RDH10: variants seen among roughly 807,000 people sequenced by gnomAD.
RDH10 encodes the protein retinol dehydrogenase 10, also known as retinol dehydrogenase 10 (all-trans).
Under a neutral mutation model 30.2 loss-of-function variants are expected in RDH10, and 12 were observed. That is an observed-to-expected ratio of 0.40 (90% CI 0.25 to 0.64). RDH10 has a LOEUF of 0.64. Ranked by LOEUF, RDH10 falls within the 30% of genes least tolerant of loss-of-function variation. The pLI is 0.43. For missense variants in RDH10, 268 were observed against 445.2 expected, an observed-to-expected ratio of 0.60 and a Z score of 3.58; for synonymous variants, 189 against 172.2, an observed-to-expected ratio of 1.10 and a Z score of -0.76.
Position 73,324,826 on chromosome 8 carries a change from C to T in RDH10, c.*1790C>T, listed in dbSNP as rs939624091. On this transcript the variant is annotated 3_prime_UTR_variant, in exon 6 of 6. Coordinates refer to ENST00000240285, the MANE Select transcript of RDH10 (RefSeq NM_172037.5). ...GTTTTAGTTTGGCTGCACCACAGAT[C>T]AAATCTGCACTGTGTCTACATATAG... The T allele has an allele frequency of 6.6e-6, 1 of 152,208 alleles. No homozygotes were observed. The highest frequency in any genetic ancestry group is 1.5e-5 in the Non-Finnish European group (1 of 68,040). 9.4% of individuals were successfully genotyped at this position (152,208 alleles called of 1,614,324 possible).
chr8:73,295,787 C>A, intron 1 of RDH10: 1 of 1,020,512 alleles, frequency 9.8e-7, no homozygotes, highest in Non-Finnish European at 1.3e-6. Context: ...GCCCTGTCCT[C>A]GCGGAGGTTC....
intron 5 of RDH10, 25 bp from the exon 6 acceptor site, chr8:73,322,888 A>G: frequency 6.2e-7 from 1 of 1,613,978 alleles, no homozygotes; most frequent in Non-Finnish European, 8.5e-7. Flanking sequence ...CAAGTTTGCT[A>G]ACAGCTGTGA....
At chr8:73,311,753 T>G (rs936066390) in intron 2 of RDH10, 2 of 152,242 alleles carry the variant, frequency 1.3e-5, no homozygotes, top group African/African-American at 4.8e-5. Flanking sequence ...GAAATTAAGA[T>G]GAACATTTTG....
intron 2 of RDH10, among the ~76,000 whole-genome samples, chr8:73,299,892 A>G (rs1814345154): frequency 6.6e-6 from 1 of 152,266 alleles, no homozygotes; most frequent in East Asian, 1.9e-4. Flanking sequence ...ATAAATTGAT[A>G]TACCGTCTTT....
intron 4 of RDH10, 63 bp from the exon 5 acceptor site, chr8:73,322,616 T>G: frequency 7.6e-7 from 1 of 1,323,868 alleles, no homozygotes; most frequent in South Asian, 1.3e-5. Context: ...TGTTTTGATA[T>G]GTATTTCCAG....
chr8:73,302,840 A>G (rs1414253782), intron 2 of RDH10, among the ~76,000 whole-genome samples: 3 of 152,238 alleles, frequency 2.0e-5, no homozygotes, highest in Non-Finnish European at 4.4e-5. Flanking sequence ...TCTAAAAGCC[A>G]AAGTTTATCT....
rs189837551 is a variant in RDH10 at position 73,325,085 on chromosome 8, A to T, written c.*2049A>T. The stretch of plus-strand genomic sequence containing the variant: ...GATTATCCAGGTCTGCCTCCCAGCG[A>T]GCCTGGAGTACACCAGACCCTCCTA... On this transcript the variant is annotated 3_prime_UTR_variant, in exon 6 of 6. Transcript: ENST00000240285. 2.4e-4 allele frequency: 36 copies of T among 152,342 alleles called. No individual in the cohort carries two copies. Among genetic ancestry groups the T allele is most frequent in the Admixed American group, 8.5e-4 (13 of 15,306 alleles). 9.4% of individuals were successfully genotyped at this position (152,342 alleles called of 1,614,324 possible). A position where few individuals can be genotyped will look rare whatever the true frequency, so the allele number is the denominator to read the frequency against.
At chr8:73,322,073 T>C in intron 4 of RDH10, 1 of 444,938 alleles carries the variant, frequency 2.2e-6, no homozygotes, top group Non-Finnish European at 4.5e-6. Context: ...TAGCAGCAGG[T>C]GCAGGGGTCC....
intron 2 of RDH10, chr8:73,311,960 T>C (rs765757531): frequency 7.2e-5 from 11 of 152,242 alleles, no homozygotes; most frequent in Non-Finnish European, 1.3e-4. Flanking sequence ...AATACAGATT[T>C]AGGTTTTACT....
intron 2 of RDH10, among the ~76,000 whole-genome samples, chr8:73,307,086 A>C (rs1814477226): frequency 1.3e-5 from 2 of 152,174 alleles, no homozygotes; most frequent in South Asian, 4.1e-4. Flanking sequence ...ATGATTTCAT[A>C]TTGTATTTTT....
chr8:73,298,297 C>G (rs952386755), intron 2 of RDH10, among the ~76,000 whole-genome samples: 16 of 152,150 alleles, frequency 1.1e-4, no homozygotes, highest in African/African-American at 3.9e-4. Context: ...AAATAGGATT[C>G]TACTTTTTTT....
chr8:73,322,937 G>A lies in RDH10; in HGVS notation c.927G>A (p.Val309=). Residue 309 remains valine (V), a synonymous_variant, in exon 6 of 6, where the codon GTG becomes GTA. Coordinates refer to ENST00000240285, the MANE Select transcript of RDH10 (RefSeq NM_172037.5). ...MKSILPFEAV[V]CMYRFLGADK... Reference sequence around the variant, plus strand: ...GCATCCTACCATTTGAAGCAGTTGTGTGCATGTATCGGTTCCTAGGAGCGG... The same window carrying A: ...GCATCCTACCATTTGAAGCAGTTGTATGCATGTATCGGTTCCTAGGAGCGG... 6.2e-7 allele frequency: 1 copy of A among 1,614,146 alleles called. No homozygotes were observed. Among genetic ancestry groups the A allele is most frequent in the Non-Finnish European group, 8.5e-7 (1 of 1,180,018 alleles).
chr8:73,301,339 C>T (rs1432053352), intron 2 of RDH10, among the ~76,000 whole-genome samples: 8 of 151,346 alleles, frequency 5.3e-5, no homozygotes, highest in African/African-American at 2.4e-5. Context: ...CGTGAGCCAC[C>T]GCGCCCGGCC....
In RDH10 at chr8:73,295,195, CTG is replaced by C; in HGVS notation, c.-92_-91del. On this transcript the variant is annotated 5_prime_UTR_variant, in exon 1 of 6. Coordinates refer to ENST00000240285, the MANE Select transcript of RDH10 (RefSeq NM_172037.5). Reference sequence around the variant, plus strand: ...GGGCGCAGCCTTCTCGTCCCGGCCTCTGTGACAAGCGCCCCGGAGCCGGGAGC... The same window carrying C: ...GGGCGCAGCCTTCTCGTCCCGGCCTCTGACAAGCGCCCCGGAGCCGGGAGC... 1 of 1,255,946 alleles carries C rather than the reference CTG, an allele frequency of 8.0e-7. No homozygotes were observed. Among genetic ancestry groups the C allele is most frequent in the South Asian group, 1.6e-5 (1 of 62,582 alleles). The allele number at this position is 1,255,946 out of a possible 1,614,324, so 77.8% of individuals were successfully genotyped here. A position where few individuals can be genotyped will look rare whatever the true frequency, so the allele number is the denominator to read the frequency against.
intron 2 of RDH10, among the ~76,000 whole-genome samples, chr8:73,309,711 G>A (rs1814530367): frequency 6.6e-6 from 1 of 151,630 alleles, no homozygotes; most frequent in Non-Finnish European, 1.5e-5. Flanking sequence ...ATCATCACTG[G>A]AGTATACGGG....
chr8:73,296,040 G>C (rs1287909140), intron 1 of RDH10, among the ~76,000 whole-genome samples: 2 of 152,198 alleles, frequency 1.3e-5, no homozygotes, highest in Admixed American at 1.3e-4. Context: ...TTCATTATAA[G>C]TTTAGCCTGA....
intron 2 of RDH10, among the ~76,000 whole-genome samples, chr8:73,313,789 C>T (rs576626072): frequency 3.3e-5 from 5 of 152,206 alleles, no homozygotes; most frequent in African/African-American, 9.6e-5. Context: ...GAGTGCAATT[C>T]TCTGACTTAC....
At chr8:73,297,489 G>A (rs1382243335) in intron 2 of RDH10, 60 bp downstream of exon 2, 6 of 1,265,784 alleles carry the variant, frequency 4.7e-6, no homozygotes, top group South Asian at 1.2e-5. Flanking sequence ...GGTTGGGAAG[G>A]GGAGAGACTT....
chr8:73,301,417 C>A (rs539959287), intron 2 of RDH10, among the ~76,000 whole-genome samples: 8 of 151,860 alleles, frequency 5.3e-5, no homozygotes, highest in Non-Finnish European at 1.0e-4. Context: ...AGAAGATAAC[C>A]TATTCAGAGA....
Sources: allele counts gnomAD v4.1 joint callset (sites outside exome capture counted in the v4.1 genomes callset), GRCh38; gene constraint gnomAD v4.1.1; transcripts MANE v1.5; gene names NCBI Gene and HGNC (gene_info 2026-07-23, HGNC 2026-07-21).